ABCA4: variants seen among roughly 807,000 people sequenced by gnomAD.
ABCA4 encodes retinal-specific phospholipid-transporting ATPase ABCA4.
Under a neutral mutation model 263.7 loss-of-function variants are expected in ABCA4, and 196 were observed. The observed-to-expected ratio is 0.74, with a 90% CI of 0.66 to 0.84. The LOEUF (loss-of-function observed/expected upper bound fraction) is 0.84. Among genes scored for constraint, ABCA4 ranks in the 40% least tolerant of loss-of-function variants. The pLI is 0.00. For missense variants in ABCA4, 2,792 were observed against 2,855.1 expected, an observed-to-expected ratio of 0.98 and a Z score of 0.50; for synonymous variants, 1,133 against 1,094.2, an observed-to-expected ratio of 1.04 and a Z score of -0.70.
intron 43 of ABCA4, among the ~76,000 whole-genome samples, chr1:94,007,164 G>C (rs1256321115): frequency 6.6e-6 from 1 of 152,154 alleles, no homozygotes; most frequent in Non-Finnish European, 1.5e-5. Context: ...CCAGAGGAAG[G>C]ATTCTTCATT....
At chr1:94,058,149 G>A (rs1215833622) in intron 14 of ABCA4, among the ~76,000 whole-genome samples, 1 of 152,168 alleles carries the variant, frequency 6.6e-6, no homozygotes, top group Admixed American at 6.5e-5. Flanking sequence ...AATGGCAAAG[G>A]GGAGCGGGGC....
chr1:94,102,050 A>C (rs1028000008), intron 5 of ABCA4, among the ~76,000 whole-genome samples: 2 of 152,102 alleles, frequency 1.3e-5, no homozygotes, highest in South Asian at 2.1e-4. Context: ...TGGCTCTGAC[A>C]ATTTCTAGCC....
At chr1:94,015,905 C>T in intron 36 of ABCA4, 51 bp from the exon 37 acceptor site, 1 of 1,509,522 alleles carries the variant, frequency 6.6e-7, no homozygotes, top group African/African-American at 1.4e-5. Context: ...GACCTGCTGC[C>T]AGCTCTGCAA....
Position 94,080,500 on chromosome 1 carries a change from G to A in ABCA4, c.1077C>T (p.Ile359=). 1 of 1,614,178 alleles carries A rather than the reference G, an allele frequency of 6.2e-7. No homozygotes were observed. Among genetic ancestry groups the A allele is most frequent in the Non-Finnish European group, 8.5e-7 (1 of 1,180,030 alleles). ...LGIDSTRKDP[I]YSYDRRTTSF... ...TACTTGTTCTTCTGTCATAAGAATA[G>A]ATAGGATCCTTCCTTGTGGAGTCAA... Residue 359 remains isoleucine (I), a synonymous_variant, in exon 8 of 50, where the codon ATC becomes ATT. Transcript: ENST00000370225.
At position 93,997,911 on chromosome 1, in the gene ABCA4, C is replaced by A; in HGVS notation, c.6679G>T (p.Asp2227Tyr). ...GAGTACTCCTCGATGAGCAGGCTGT[C>A]CTTGTGGGAGAGGAGGAGCTGGAAG... ...RIFQLLLSHK[D>Y]SLLIEEYSVT... is the part of the protein sequence containing the mutation. The change falls in exon 48 of 50, where the codon GAC (aspartate) becomes TAC (tyrosine). Residue 2227 changes from aspartate (D) to tyrosine (Y), a missense_variant. Asp to Tyr is a radical substitution (Grantham distance 160). Transcript: ENST00000370225. The A allele has an allele frequency of 6.2e-7, 1 of 1,613,920 alleles. No individual in the cohort carries two copies. The highest frequency in any genetic ancestry group is 8.5e-7 in the Non-Finnish European group (1 of 1,179,936).
At chr1:94,022,431 G>T (rs1659929122) in intron 32 of ABCA4, among the ~76,000 whole-genome samples, 1 of 152,120 alleles carries the variant, frequency 6.6e-6, no homozygotes, top group Non-Finnish European at 1.5e-5. Context: ...TCTGTGCTTT[G>T]CAGGTACTTC....
intron 4 of ABCA4, among the ~76,000 whole-genome samples, chr1:94,106,444 G>C (rs748265201): frequency 4.6e-5 from 7 of 152,112 alleles, no homozygotes; most frequent in African/African-American, 1.7e-4. Flanking sequence ...ATGTCATCCC[G>C]CCAGGAGCTG....
intron 19 of ABCA4, chr1:94,045,977 G>A (rs3789398): frequency 0.62 from 284,145 of 455,744 alleles, 90,873 homozygotes; most frequent in Middle Eastern, 0.72. Context: ...TGAGAGATCC[G>A]CGCAGAGCCC....
intron 6 of ABCA4, among the ~76,000 whole-genome samples, chr1:94,098,053 G>A (rs75477046): frequency 1.6e-4 from 24 of 152,264 alleles, no homozygotes; most frequent in Middle Eastern, 6.8e-3. Flanking sequence ...CACTGCGCCC[G>A]GCCCTCTGAT....
intron 31 of ABCA4, among the ~76,000 whole-genome samples, chr1:94,024,205 A>G (rs1214840423): frequency 2.0e-5 from 3 of 152,110 alleles, no homozygotes; most frequent in Non-Finnish European, 2.9e-5. Context: ...GTTAGACAGG[A>G]GGTTTTATCT....
Position 94,014,643 on chromosome 1 carries a change from A to G in ABCA4, c.5360T>C (p.Val1787Ala). 1 of 1,614,220 alleles carries G rather than the reference A, an allele frequency of 6.2e-7. No homozygotes were observed. The highest frequency in any genetic ancestry group is 8.5e-7 in the Non-Finnish European group (1 of 1,180,034). The change falls in exon 38 of 50, where the codon GTC becomes GCC. Residue 1787 changes from valine (V) to alanine (A), a missense_variant. Coordinates refer to ENST00000370225, the MANE Select transcript of ABCA4 (RefSeq NM_000350.3). ...MMYPASFLFD[V>A]PSTAYVALSC... ...TAAAGCCACATAGGCTGTGCTGGGG[A>G]CATCAAACAGGAAGGATGCTGGGTA...
At chr1:94,087,754 A>C (rs1321360210) in intron 6 of ABCA4, among the ~76,000 whole-genome samples, 1 of 152,230 alleles carries the variant, frequency 6.6e-6, no homozygotes, top group Non-Finnish European at 1.5e-5. Flanking sequence ...TGTTACTCAC[A>C]GCCAGGTGCA....
chr1:94,113,497 A>G (rs4147807), intron 1 of ABCA4, among the ~76,000 whole-genome samples: 34,268 of 152,202 alleles, frequency 0.23, 4,083 homozygotes, highest in African/African-American at 0.29. Context: ...CTCACTCTGC[A>G]GTTAAGGAAA....
rs1570393097 is a variant in ABCA4 at position 94,062,598 on chromosome 1, T to G, written c.1916A>C (p.Tyr639Ser). The change falls in exon 13 of 50, where the codon TAC (tyrosine) becomes TCC (serine). Residue 639 changes from tyrosine (Y) to serine (S), a missense_variant. By Grantham distance (144) the Tyr-to-Ser change is moderately radical. Transcript: ENST00000370225. Reference protein sequence around the residue: ...PVGIYLQQMPYPCFVDDSFMI... With the variant: ...PVGIYLQQMPSPCFVDDSFMI... ...TCACGAATCGTCCACGAAGCAGGGG[T>G]AGGGCATCTGCTGGAGGTAGATTCC... 6.2e-7 allele frequency: 1 copy of G among 1,605,624 alleles called. No individual in the cohort carries two copies. The highest frequency in any genetic ancestry group is 8.5e-7 in the Non-Finnish European group (1 of 1,175,338).
chr1:94,049,380 C>T (rs1230472823), intron 17 of ABCA4, among the ~76,000 whole-genome samples: 1 of 152,150 alleles, frequency 6.6e-6, no homozygotes, highest in African/African-American at 2.4e-5. Context: ...AATCCCAGCA[C>T]TTTGGGAGGC....
In ABCA4 at chr1:94,118,375, C is replaced by T. The variant is rs1026012377; in HGVS notation, c.66+2605G>A. 2.0e-5 allele frequency among the ~76,000 whole-genome samples: 3 copies of T among 152,186 alleles called. No individual in the cohort carries two copies. In the South Asian group the frequency reaches 6.2e-4, roughly 32 times the overall value. On this transcript the variant is annotated intron_variant, in intron 1 of 49. Transcript: ENST00000370225. ...TGAGGAAATTTGGTATCTGATTTTA[C>T]TCTTGCTCTGCTTACAGGAGACATG...
chr1:94,010,077 T>G (rs2101006472), intron 40 of ABCA4, among the ~76,000 whole-genome samples: 1 of 152,322 alleles, frequency 6.6e-6, no homozygotes, highest in Middle Eastern at 3.4e-3. Context: ...TATTTACAGG[T>G]GACCACACTC....
Position 94,031,813 on chromosome 1 carries a change from G to A in ABCA4, c.4093C>T (p.His1365Tyr). 6.2e-7 allele frequency: 1 copy of A among 1,614,044 alleles called. No homozygotes were observed. The highest frequency in any genetic ancestry group is 8.5e-7 in the Non-Finnish European group (1 of 1,180,048). ...AAGTCCTTGTGGCTGCGGATGGTGT[G>A]TTGGAATCTCTTGACCAGCAGCGCC... ...VQALLVKRFQ[H>Y]TIRSHKDFLA... The change falls in exon 27 of 50, where the codon CAC (histidine) becomes TAC (tyrosine). Residue 1365 changes from histidine (H) to tyrosine (Y), a missense_variant. By Grantham distance (83) the His-to-Tyr change is moderately conservative (BLOSUM62 2). Transcript: ENST00000370225.
intron 23 of ABCA4, 111 bp downstream of exon 23, chr1:94,041,096 GAC>G (rs1660472533): frequency 1.8e-5 from 20 of 1,095,524 alleles, no homozygotes; most frequent in Non-Finnish European, 2.5e-5. Flanking sequence ...CCAGAACAAA[GAC>G]ACTGATTCTG....
Sources: allele counts gnomAD v4.1 joint callset (sites outside exome capture counted in the v4.1 genomes callset), GRCh38; gene constraint gnomAD v4.1.1; transcripts MANE v1.5; gene names NCBI Gene and HGNC (gene_info 2026-07-23, HGNC 2026-07-21).